Variants in PDE4D observed in about 807,000 individuals in gnomAD.
PDE4D encodes the protein 3',5'-cyclic-AMP phosphodiesterase 4D.
Under a neutral mutation model 87.4 loss-of-function variants are expected in PDE4D, and 24 were observed. The observed-to-expected ratio is 0.27, with a 90% CI of 0.20 to 0.39. The LOEUF is 0.39. PDE4D is among the 10% of genes least tolerant of loss of function. PDE4D has a pLI of 1.00. For missense variants in PDE4D, 714 were observed against 1,041.0 expected (o/e 0.69, Z 4.32); for synonymous variants, 384 against 383.2 (o/e 1.00, Z -0.02).
At chr5:60,282,573 A>G (rs1015876206) in intron 1 of PDE4D, among the ~76,000 whole-genome samples, 2 of 152,184 alleles carry the variant, frequency 1.3e-5, no homozygotes, top group African/African-American at 4.8e-5. Context: ...TGTTCTCTGT[A>G]TCTATGTCCT....
intron 3 of PDE4D, among the ~76,000 whole-genome samples, chr5:59,903,363 T>C (rs766344601): frequency 1.0e-3 from 154 of 152,084 alleles, no homozygotes; most frequent in Non-Finnish European, 1.4e-3. Flanking sequence ...AGAAAAATTC[T>C]CTATCTTCTC....
At chr5:60,433,157 G>A (rs1744490209) in intron 1 of PDE4D, among the ~76,000 whole-genome samples, 2 of 152,098 alleles carry the variant, frequency 1.3e-5, no homozygotes, top group Non-Finnish European at 1.5e-5. Flanking sequence ...TACAGGATGG[G>A]AGAAAATATT....
chr5:60,024,556 A>G (rs1766417858), intron 2 of PDE4D, among the ~76,000 whole-genome samples: 1 of 152,210 alleles, frequency 6.6e-6, no homozygotes, highest in Admixed American at 6.5e-5. Context: ...TGAATTCAGA[A>G]CAACCTTGAA....
At chr5:59,915,791 T>C (rs1753973281) in intron 3 of PDE4D, among the ~76,000 whole-genome samples, 1 of 152,230 alleles carries the variant, frequency 6.6e-6, no homozygotes, top group South Asian at 2.1e-4. Context: ...AAGGTAATTT[T>C]CATTTATTTA....
intron 5 of PDE4D, among the ~76,000 whole-genome samples, chr5:59,053,645 G>GTTTTTTGTTTTTTTTTTTTT (rs1561396071): frequency 5.1e-4 from 35 of 68,758 alleles, no homozygotes; most frequent in East Asian, 4.4e-3. Flanking sequence ...TTTGTTTTTT[G>GTTTTTTGTTTTTTTTTTTTT]TTTTTTTTTG....
At chr5:59,938,551 G>C (rs556076630) in intron 3 of PDE4D, among the ~76,000 whole-genome samples, 10 of 152,174 alleles carry the variant, frequency 6.6e-5, no homozygotes, top group African/African-American at 2.4e-4. Flanking sequence ...GGCCAAAAAG[G>C]CTTCAGACAG....
At chr5:60,048,213 G>C (rs577555196) in intron 2 of PDE4D, among the ~76,000 whole-genome samples, 2 of 151,756 alleles carry the variant, frequency 1.3e-5, no homozygotes, top group Non-Finnish European at 2.9e-5. Flanking sequence ...TTTTCCATTT[G>C]CTTGGTAGAT....
At chr5:60,219,999 T>G (rs1744304747) in intron 1 of PDE4D, among the ~76,000 whole-genome samples, 1 of 152,208 alleles carries the variant, frequency 6.6e-6, no homozygotes, top group Non-Finnish European at 1.5e-5. Context: ...ATTGGCTACT[T>G]GAATGGACTA....
intron 1 of PDE4D, among the ~76,000 whole-genome samples, chr5:60,475,187 T>A (rs1424488609): frequency 6.6e-6 from 1 of 152,152 alleles, no homozygotes; most frequent in Non-Finnish European, 1.5e-5. Flanking sequence ...TTTCTTCTAG[T>A]GCCCATAGGT....
chr5:59,483,180 T>C (rs1267666282), intron 1 of PDE4D, among the ~76,000 whole-genome samples: 3 of 152,186 alleles, frequency 2.0e-5, no homozygotes, highest in Non-Finnish European at 4.4e-5. Flanking sequence ...CTGGAACTTA[T>C]ACCAGCAGCT....
intron 5 of PDE4D, among the ~76,000 whole-genome samples, chr5:59,117,935 C>G (rs533139695): frequency 1.3e-5 from 2 of 152,020 alleles, no homozygotes; most frequent in African/African-American, 4.8e-5. Flanking sequence ...TGTCAACTCT[C>G]TACTATAGCT....
chr5:59,301,976 G>A (rs1037156692), intron 1 of PDE4D, among the ~76,000 whole-genome samples: 23 of 152,162 alleles, frequency 1.5e-4, no homozygotes, highest in Admixed American at 2.6e-4. Flanking sequence ...TCTGCAGTAA[G>A]GGGCAAAATG....
At chr5:60,423,699 G>C (rs991386276) in intron 1 of PDE4D, among the ~76,000 whole-genome samples, 71 of 151,882 alleles carry the variant, frequency 4.7e-4, no homozygotes, top group African/African-American at 1.6e-3. Flanking sequence ...AAGATCAGAG[G>C]AGAACTGAAG....
At chr5:59,167,515 C>T (rs942362395) in intron 5 of PDE4D, among the ~76,000 whole-genome samples, 2 of 152,178 alleles carry the variant, frequency 1.3e-5, no homozygotes, top group Non-Finnish European at 2.9e-5. Context: ...TCTCAGCCCT[C>T]CACTTTCTCA....
chr5:60,369,822 T>G (rs1252688833), intron 1 of PDE4D, among the ~76,000 whole-genome samples: 1 of 152,002 alleles, frequency 6.6e-6, no homozygotes, highest in Non-Finnish European at 1.5e-5. Context: ...GAAGTCAACA[T>G]GCACACACAA....
chr5:59,853,469 T>C (rs1404390493), intron 1 of PDE4D, among the ~76,000 whole-genome samples: 1 of 152,076 alleles, frequency 6.6e-6, no homozygotes, highest in African/African-American at 2.4e-5. Context: ...ATAATCCCCA[T>C]ATTTAGAGCT....
intron 2 of PDE4D, among the ~76,000 whole-genome samples, chr5:60,136,098 A>T (rs1780021154): frequency 6.6e-6 from 1 of 152,152 alleles, no homozygotes; most frequent in Non-Finnish European, 1.5e-5. Context: ...ATTTCAATTA[A>T]TGTTGATTTT....
intron 5 of PDE4D, among the ~76,000 whole-genome samples, chr5:59,069,526 T>C (rs537267133): frequency 2.2e-4 from 33 of 151,258 alleles, no homozygotes; most frequent in South Asian, 1.5e-3. Context: ...TTTTTTTTTT[T>C]CCCTAATCCC....
chr5:59,362,130 G>A (rs1782320112), intron 1 of PDE4D, among the ~76,000 whole-genome samples: 1 of 152,030 alleles, frequency 6.6e-6, no homozygotes, highest in Non-Finnish European at 1.5e-5. Flanking sequence ...AAAGAGTTTT[G>A]GAGAGGGCTG....
Sources: allele counts gnomAD v4.1 joint callset (sites outside exome capture counted in the v4.1 genomes callset), GRCh38; gene constraint gnomAD v4.1.1; transcripts MANE v1.5; gene names NCBI Gene and HGNC (gene_info 2026-07-23, HGNC 2026-07-21).